Variants in EIF3L observed in about 807,000 individuals in gnomAD.
EIF3L encodes eukaryotic translation initiation factor 3 subunit L.
Under a neutral mutation model 74.6 loss-of-function variants are expected in EIF3L, and 32 were observed. The ratio of observed to expected loss-of-function variants is 0.43; its 90% confidence interval spans 0.32 to 0.58. The LOEUF is 0.58. EIF3L is among the 20% of genes least tolerant of loss of function. The pLI, the probability that EIF3L is intolerant of heterozygous loss-of-function variation, is 0.06. For missense variants in EIF3L, 474 were observed against 707.8 expected, an observed-to-expected ratio of 0.67 and a Z score of 3.75; for synonymous variants, 256 against 254.4, an observed-to-expected ratio of 1.01 and a Z score of -0.06.
In EIF3L at chr22:37,851,134, G is replaced by A. The variant is rs548145688; in HGVS notation, c.83-146G>A. 3 of 624,210 alleles carry A rather than the reference G, an allele frequency of 4.8e-6. No homozygotes were observed. The Admixed American group carries it at 8.7e-5, about 18-fold the overall frequency. 38.7% of individuals were successfully genotyped at this position (624,210 alleles called of 1,614,324 possible). On this transcript the variant is annotated intron_variant, in intron 2 of 12. Coordinates refer to ENST00000652021, the MANE Select transcript of EIF3L (RefSeq NM_016091.4). Reference sequence around the variant, plus strand: ...GAAGAAACAGGGACAACGAGATTGGGAGTGACTTGAGATGTTTGTATCTCT... The same window carrying A: ...GAAGAAACAGGGACAACGAGATTGGAAGTGACTTGAGATGTTTGTATCTCT...
chr22:37,872,677 G>C (rs999571099), intron 8 of EIF3L, among the ~76,000 whole-genome samples: 1 of 152,056 alleles, frequency 6.6e-6, no homozygotes, highest in Non-Finnish European at 1.5e-5. Context: ...GAAGTGCGGT[G>C]GCACAATCAT....
At chr22:37,885,054 G>C (rs1401443514) in intron 11 of EIF3L, 1 of 151,624 alleles carries the variant, frequency 6.6e-6, no homozygotes, top group East Asian at 1.9e-4. Flanking sequence ...AAGTAGCTGG[G>C]ACTACAGGAC....
At chr22:37,870,420 C>A (rs1926409143) in intron 8 of EIF3L, 73 bp downstream of exon 8, 1 of 1,430,212 alleles carries the variant, frequency 7.0e-7, no homozygotes, top group African/African-American at 1.4e-5. Flanking sequence ...ATGAATAGAT[C>A]ACTGCAAGGA....
rs1310968870 is a variant in EIF3L, at chr22:37,877,767, C to T, written c.1171C>T (p.Arg391Trp). 1.2e-6 allele frequency: 2 copies of T among 1,613,672 alleles called. No homozygotes were observed. The highest frequency in any genetic ancestry group is 8.5e-7 in the Non-Finnish European group (1 of 1,179,856). Reference protein sequence around the residue: ...RIDESIHLQLREKYGDKMLRM... With the variant: ...RIDESIHLQLWEKYGDKMLRM... ...TGATGAGAGCATTCACCTCCAGCTG[C>T]GGGAGAAATATGGGGACAAGATGTT... The change falls in exon 11 of 13, where the codon CGG becomes TGG. Residue 391 changes from arginine to tryptophan, a missense_variant. Transcript: ENST00000652021.
intron 11 of EIF3L, chr22:37,885,614 A>G (rs1331209793): frequency 6.7e-6 from 1 of 150,114 alleles, no homozygotes; most frequent in African/African-American, 2.4e-5. Context: ...CTAATTTGCA[A>G]TTTTATCAAC....
intron 4 of EIF3L, 79 bp from the exon 5 acceptor site, chr22:37,858,600 C>T: frequency 1.6e-6 from 2 of 1,271,332 alleles, no homozygotes; most frequent in Middle Eastern, 1.9e-4. Context: ...TACCTTTATT[C>T]CTCCCCACCA....
intron 8 of EIF3L, among the ~76,000 whole-genome samples, chr22:37,873,184 TCA>T (rs1926563829): frequency 6.6e-6 from 1 of 152,086 alleles, no homozygotes; most frequent in African/African-American, 2.4e-5. Context: ...AGACGGGGCT[TCA>T]CCATGTTGGG....
At position 37,876,106 on chromosome 22, in the gene EIF3L, T is replaced by C. The variant is rs945123975; in HGVS notation, c.1077+95T>C. On this transcript the variant is annotated intron_variant, in intron 10 of 12. Coordinates refer to ENST00000652021, the MANE Select transcript of EIF3L (RefSeq NM_016091.4). ...TTCTTGGTAAACACCATCCAAAATA[T>C]TGCACTTTTAAGCCAGGAGTTCAAG... 2.2e-5 allele frequency: 31 copies of C among 1,382,232 alleles called. No individual in the cohort carries two copies. In the Admixed American group the frequency reaches 5.9e-4, roughly 26 times the overall value. The allele number at this position is 1,382,232 out of a possible 1,614,324, so 85.6% of individuals were successfully genotyped here.
rs1224893070 is a variant in EIF3L, at chr22:37,888,963, T to G, written c.*499T>G. The G allele has an allele frequency of 6.5e-6, 1 of 153,358 alleles. No individual in the cohort carries two copies. Among genetic ancestry groups the G allele is most frequent in the Non-Finnish European group, 1.5e-5 (1 of 68,892 alleles). 9.5% of individuals were successfully genotyped at this position (153,358 alleles called of 1,614,324 possible). A position where few individuals can be genotyped will look rare whatever the true frequency, so the allele number is the denominator to read the frequency against. On this transcript the variant is annotated 3_prime_UTR_variant, in exon 13 of 13. Transcript: ENST00000652021. ...CATGTTGGCCAGGCTGGTCTCGAAC[T>G]CCTGGCCTCAAGTGATTCGCCTGCC...
chr22:37,856,244 T>G (rs567107980), intron 4 of EIF3L, among the ~76,000 whole-genome samples: 1 of 151,848 alleles, frequency 6.6e-6, no homozygotes, highest in South Asian at 2.1e-4. Context: ...GCCCAGCTAA[T>G]TTTTGTATTT....
At chr22:37,850,403 G>A (rs1030528187) in intron 2 of EIF3L, 3 of 250,866 alleles carry the variant, frequency 1.2e-5, no homozygotes, top group Admixed American at 1.0e-4. Flanking sequence ...GTGCGATCTC[G>A]GCTCACTGCA....
chr22:37,882,827 C>T (rs1400729195), intron 11 of EIF3L: 1 of 151,988 alleles, frequency 6.6e-6, no homozygotes, highest in Admixed American at 6.6e-5. Context: ...ATGGTGAACC[C>T]CATCTCTACT....
intron 8 of EIF3L, among the ~76,000 whole-genome samples, chr22:37,872,285 G>A (rs1285531860): frequency 3.3e-5 from 5 of 151,984 alleles, no homozygotes; most frequent in Admixed American, 6.6e-5. Context: ...CCACCACGCC[G>A]GGCTGATTTT....
Position 37,877,700 on chromosome 22 carries a change from T to C in EIF3L, c.1104T>C (p.His368=), listed in dbSNP as rs1313483925. The change falls in exon 11 of 13, where the codon CAT becomes CAC. Residue 368 remains histidine (H), a synonymous_variant. Coordinates refer to ENST00000652021, the MANE Select transcript of EIF3L (RefSeq NM_016091.4). The stretch of plus-strand genomic sequence containing the variant: ...TTAACAAGCAGAATGAGCAGATGCA[T>C]GCGCTGCTGGCCATTGCCCTCACGA... ...EMINKQNEQM[H]ALLAIALTMY... The C allele has an allele frequency of 3.1e-6, 5 of 1,608,810 alleles. No individual in the cohort carries two copies. Among genetic ancestry groups the C allele is most frequent in the African/African-American group, 2.7e-5 (2 of 74,842 alleles).
intron 11 of EIF3L, chr22:37,883,448 G>C (rs1927164586): frequency 6.6e-6 from 1 of 151,716 alleles, no homozygotes; most frequent in South Asian, 2.1e-4. Flanking sequence ...GGGCATGGTG[G>C]TGGGCGCCTG....
At chr22:37,864,304 C>G (rs570758293) in intron 7 of EIF3L, among the ~76,000 whole-genome samples, 1 of 152,214 alleles carries the variant, frequency 6.6e-6, no homozygotes, top group Non-Finnish European at 1.5e-5. Flanking sequence ...AGCCTCTTGA[C>G]TTGGCCTCCC....
At chr22:37,866,146 T>A (rs1405652757) in intron 7 of EIF3L, among the ~76,000 whole-genome samples, 1 of 152,222 alleles carries the variant, frequency 6.6e-6, no homozygotes, top group Non-Finnish European at 1.5e-5. Context: ...TGTTGATGTT[T>A]CTCAGGCACT....
intron 5 of EIF3L, among the ~76,000 whole-genome samples, chr22:37,860,653 G>GTGA (rs1174954258): frequency 6.6e-6 from 1 of 152,186 alleles, no homozygotes; most frequent in Non-Finnish European, 1.5e-5. Context: ...GATTACAGGC[G>GTGA]TGAGCCACTG....
chr22:37,869,618 CAG>C (rs1230971858), intron 7 of EIF3L, among the ~76,000 whole-genome samples: 3 of 152,162 alleles, frequency 2.0e-5, no homozygotes, highest in African/African-American at 7.2e-5. Flanking sequence ...CTGTCCCAAA[CAG>C]ATTCCTGTGG....
Sources: allele counts gnomAD v4.1 joint callset (sites outside exome capture counted in the v4.1 genomes callset), GRCh38; gene constraint gnomAD v4.1.1; transcripts MANE v1.5; gene names NCBI Gene and HGNC (gene_info 2026-07-23, HGNC 2026-07-21).